The following CABCOCO1 variants were observed in gnomAD, a reference collection of about 807,000 sequenced individuals.
The protein encoded by CABCOCO1 is ciliary associated calcium binding coiled-coil 1.
In CABCOCO1, 28 loss-of-function variants were observed where a neutral mutation model predicts 35.7. The ratio of observed to expected loss-of-function variants is 0.78; its 90% CI spans 0.58 to 1.07. The LOEUF (loss-of-function observed/expected upper bound fraction) is 1.07, where lower values mean the gene tolerates loss of function less well. Among genes scored for constraint, CABCOCO1 ranks in the 50% least tolerant of loss-of-function variants. The probability of loss-of-function intolerance (pLI) is 0.00; values close to 1 mark genes in which losing one functional copy is unlikely to be tolerated. For missense variants in CABCOCO1, 326 were observed against 309.2 expected, an observed-to-expected ratio of 1.05 and a Z score of -0.41; for synonymous variants, 95 against 100.1, an observed-to-expected ratio of 0.95 and a Z score of 0.30.
chr10:61,713,995 G>C (rs1238136324), intron 5 of CABCOCO1, among the ~76,000 whole-genome samples: 1 of 152,140 alleles, frequency 6.6e-6, no homozygotes, highest in Non-Finnish European at 1.5e-5. Context: ...TCTCTGCCAG[G>C]CTTTGGTATC....
chr10:61,760,103 TC>T lies in CABCOCO1; in HGVS notation c.599del (p.Pro200LeufsTer15). 1 of 1,612,778 alleles carries T rather than the reference TC, an allele frequency of 6.2e-7. No homozygotes were observed. The highest frequency in any genetic ancestry group is 8.5e-7 in the Non-Finnish European group (1 of 1,179,136). ...VKSACGPFPN[P>X]LEEGISFDIY... Reference sequence around the variant, plus strand: ...AGTCTGCATGTGGCCCTTTCCCAAATCCTCTGGAAGAAGGAATCTCATTTGA... The same window carrying T: ...AGTCTGCATGTGGCCCTTTCCCAAATCTCTGGAAGAAGGAATCTCATTTGA... On this transcript the variant is annotated frameshift_variant, in exon 6 of 8. Coordinates refer to ENST00000648843, the MANE Select transcript of CABCOCO1 (RefSeq NM_001366906.2). LOFTEE classifies it high-confidence loss of function.
chr10:61,754,418 C>T (rs1841855243), intron 5 of CABCOCO1, among the ~76,000 whole-genome samples: 1 of 152,066 alleles, frequency 6.6e-6, no homozygotes, highest in Non-Finnish European at 1.5e-5. Flanking sequence ...CAAGAAGGTG[C>T]TCCTTTTCTG....
At chr10:61,667,356 A>C (rs1266315813) in intron 1 of CABCOCO1, among the ~76,000 whole-genome samples, 1 of 150,964 alleles carries the variant, frequency 6.6e-6, no homozygotes, top group East Asian at 1.9e-4. Context: ...GTCGTTTTAC[A>C]TTCATCTTTA....
chr10:61,751,364 A>C lies in CABCOCO1; in HGVS notation c.553-8695A>C, dbSNP rs199749703. Among the ~76,000 whole-genome samples the C allele has an allele frequency of 7.9e-5, 12 of 152,138 alleles. No individual in the cohort carries two copies. In the East Asian group the frequency reaches 2.3e-3, roughly 29 times the overall value. ...AACATGGAGTTGAATCCTTCAAAAA[A>C]TAGAAGGGCACAGGTGGGACAGGCA... On this transcript the variant is annotated intron_variant, in intron 5 of 7. Transcript: ENST00000648843.
chr10:61,698,080 A>G (rs1840342421), intron 5 of CABCOCO1, among the ~76,000 whole-genome samples: 1 of 152,172 alleles, frequency 6.6e-6, no homozygotes, highest in Non-Finnish European at 1.5e-5. Flanking sequence ...GCAACACATC[A>G]AATCTTAGAT....
At chr10:61,685,422 G>T (rs1395120916) in intron 3 of CABCOCO1, 1 of 151,930 alleles carries the variant, frequency 6.6e-6, no homozygotes, top group Non-Finnish European at 1.5e-5. Flanking sequence ...GTAGAAAAAA[G>T]AAAAAACAAA....
At chr10:61,689,581 C>T (rs1840071107) in intron 4 of CABCOCO1, among the ~76,000 whole-genome samples, 1 of 152,142 alleles carries the variant, frequency 6.6e-6, no homozygotes, top group South Asian at 2.1e-4. Flanking sequence ...TTACAACATC[C>T]AGGAGAAGCC....
At chr10:61,680,707 ACATG>A (rs1564532888) in intron 2 of CABCOCO1, among the ~76,000 whole-genome samples, 1,149 of 104,158 alleles carry the variant, frequency 0.011, 26 homozygotes, top group Non-Finnish European at 0.016. Context: ...TATATGTTAT[ACATG>A]TATAACATAT....
At chr10:61,668,814 G>A (rs1839267754) in intron 1 of CABCOCO1, among the ~76,000 whole-genome samples, 1 of 146,938 alleles carries the variant, frequency 6.8e-6, no homozygotes, top group African/African-American at 2.5e-5. Flanking sequence ...TGAAGGAAGT[G>A]CCAAAAAACT....
chr10:61,709,267 A>G (rs562663430), intron 5 of CABCOCO1, among the ~76,000 whole-genome samples: 73 of 152,280 alleles, frequency 4.8e-4, no homozygotes, highest in Non-Finnish European at 9.6e-4. Context: ...AATGGGATAC[A>G]TCAACTCAAG....
At chr10:61,715,015 A>C (rs866318206) in intron 5 of CABCOCO1, among the ~76,000 whole-genome samples, 16 of 152,268 alleles carry the variant, frequency 1.1e-4, no homozygotes, top group African/African-American at 3.6e-4. Flanking sequence ...AGTTCTGCAG[A>C]TGTTTATTAG....
In CABCOCO1 at chr10:61,704,830, C is replaced by T. The variant is rs577792797; in HGVS notation, c.552+14209C>T. Among the ~76,000 whole-genome samples, 4 of 148,522 alleles carry T rather than the reference C, an allele frequency of 2.7e-5. No individual in the cohort carries two copies. In the South Asian group the frequency reaches 8.5e-4, roughly 31 times the overall value. ...ATTTTTTTTTTTTTCATTTTCTCCTCCCCTGTGTCTGGCTGCTTCTTGCAC... is the reference window on the plus strand; with the variant it reads ...ATTTTTTTTTTTTTCATTTTCTCCTTCCCTGTGTCTGGCTGCTTCTTGCAC... On this transcript the variant is annotated intron_variant, in intron 5 of 7. Transcript: ENST00000648843.
At chr10:61,672,503 G>A (rs1294094096) in intron 1 of CABCOCO1, among the ~76,000 whole-genome samples, 129 bp from the exon 2 acceptor site, 2 of 152,192 alleles carry the variant, frequency 1.3e-5, no homozygotes, top group African/African-American at 4.8e-5. Flanking sequence ...ATACCATCTC[G>A]AAGATTGTTG....
chr10:61,724,114 T>A (rs1841086262), intron 5 of CABCOCO1, among the ~76,000 whole-genome samples: 1 of 151,988 alleles, frequency 6.6e-6, no homozygotes, highest in South Asian at 2.1e-4. Flanking sequence ...CCCAAAAGAA[T>A]GACCCAAATG....
intron 5 of CABCOCO1, among the ~76,000 whole-genome samples, chr10:61,723,189 C>CCT (rs1841064406): frequency 6.6e-6 from 1 of 152,146 alleles, no homozygotes; most frequent in African/African-American, 2.4e-5. Flanking sequence ...GGCTCATTGA[C>CCT]ATAAGTCACC....
intron 2 of CABCOCO1, among the ~76,000 whole-genome samples, chr10:61,676,657 G>T (rs1439509691): frequency 3.3e-5 from 5 of 152,186 alleles, no homozygotes. Flanking sequence ...AATGTAAAGG[G>T]TTAATATCCC....
intron 5 of CABCOCO1, among the ~76,000 whole-genome samples, chr10:61,700,176 A>G (rs1253150252): frequency 1.3e-5 from 2 of 152,042 alleles, no homozygotes; most frequent in South Asian, 2.1e-4. Flanking sequence ...TATTGTCAAG[A>G]CTGTAAGATA....
intron 5 of CABCOCO1, among the ~76,000 whole-genome samples, chr10:61,734,074 C>CT (rs1285564263): frequency 6.6e-6 from 1 of 151,876 alleles, no homozygotes; most frequent in Non-Finnish European, 1.5e-5. Context: ...AAGAGTTAAC[C>CT]TTTTTTTCTG....
intron 7 of CABCOCO1, among the ~76,000 whole-genome samples, chr10:61,763,906 G>A (rs2132098543): frequency 6.6e-6 from 1 of 152,082 alleles, no homozygotes; most frequent in South Asian, 2.1e-4. Context: ...TTATTGACTA[G>A]ACGTGGAGCC....
Sources: allele counts gnomAD v4.1 joint callset (sites outside exome capture counted in the v4.1 genomes callset), GRCh38; gene constraint gnomAD v4.1.1; transcripts MANE v1.5; gene names NCBI Gene and HGNC (gene_info 2026-07-23, HGNC 2026-07-21).